Variants in GRIA4 observed in about 807,000 individuals in gnomAD.
GRIA4 encodes glutamate ionotropic receptor AMPA type subunit 4, also known as glutamate receptor 4.
In GRIA4, 34 loss-of-function variants were observed where a neutral mutation model predicts 104.0. The observed-to-expected ratio is 0.33, with a 90% confidence interval of 0.25 to 0.44. GRIA4 has a LOEUF of 0.44. Ranked by LOEUF, GRIA4 falls within the 20% of genes least tolerant of loss-of-function variation. The probability of loss-of-function intolerance (pLI) is 1.00; values close to 1 mark genes in which losing one functional copy is unlikely to be tolerated. For synonymous variants in GRIA4, 386 were observed against 381.9 expected, an observed-to-expected ratio of 1.01 and a Z score of -0.13; for missense variants, 750 against 1,096.5, an observed-to-expected ratio of 0.68 and a Z score of 4.46.
chr11:105,876,036 C>G (rs2136065331), intron 5 of GRIA4, among the ~76,000 whole-genome samples: 1 of 152,234 alleles, frequency 6.6e-6, no homozygotes, highest in South Asian at 2.1e-4. Flanking sequence ...TTACTGCTTT[C>G]TCCTGTGGGC....
intron 4 of GRIA4, among the ~76,000 whole-genome samples, chr11:105,837,061 T>C (rs1236914832): frequency 1.4e-5 from 2 of 144,156 alleles, no homozygotes; most frequent in Non-Finnish European, 3.1e-5. Context: ...AAGAGGCACA[T>C]CTTACATAAT....
chr11:105,617,794 G>A (rs1298501570), intron 3 of GRIA4, among the ~76,000 whole-genome samples: 1 of 152,040 alleles, frequency 6.6e-6, no homozygotes, highest in Non-Finnish European at 1.5e-5. Context: ...AAACTTATAA[G>A]AGTAGTTGCT....
At chr11:105,912,653 A>G in intron 10 of GRIA4, 2 of 774,150 alleles carry the variant, frequency 2.6e-6, no homozygotes, top group Non-Finnish European at 3.1e-6. Flanking sequence ...TTTTTGTATG[A>G]AAATGTAATC....
chr11:105,771,432 G>A (rs1232837328), intron 4 of GRIA4, among the ~76,000 whole-genome samples: 1 of 151,970 alleles, frequency 6.6e-6, no homozygotes, highest in Non-Finnish European at 1.5e-5. Flanking sequence ...TGGGGACAAT[G>A]CTATTTTTGC....
chr11:105,661,022 A>T (rs982436199), intron 3 of GRIA4, among the ~76,000 whole-genome samples: 5 of 151,430 alleles, frequency 3.3e-5, no homozygotes, highest in African/African-American at 9.7e-5. Context: ...CAAATTTCAG[A>T]ATTAGAAAGG....
At chr11:105,806,672 C>CTATA in intron 4 of GRIA4, among the ~76,000 whole-genome samples, 2 of 151,240 alleles carry the variant, frequency 1.3e-5, no homozygotes, top group South Asian at 4.2e-4. Context: ...TGAATGGTAC[C>CTATA]CAGGTCTTCT....
intron 4 of GRIA4, among the ~76,000 whole-genome samples, chr11:105,774,028 T>C (rs1287651775): frequency 1.3e-5 from 2 of 151,802 alleles, no homozygotes; most frequent in Non-Finnish European, 2.9e-5. Flanking sequence ...TTTTTTTGTA[T>C]ATGTTTTATG....
chr11:105,921,175 G>C lies in GRIA4; in HGVS notation c.1476+2257G>C, dbSNP rs147642494. Among the ~76,000 whole-genome samples the C allele has an allele frequency of 1.1e-3, 166 of 152,250 alleles. 1 individual carries two copies. The East Asian group carries it at 0.018, about 17-fold the overall frequency. On this transcript the variant is annotated intron_variant, in intron 11 of 16. Transcript: ENST00000282499. ...ATGTTATCCAACACACCATGTGTGA[G>C]ACCCAGAAGCCCAGAACCTCTCTCA... is the stretch of plus-strand genomic sequence containing the variant.
At chr11:105,861,200 C>G (rs1342704180) in intron 4 of GRIA4, among the ~76,000 whole-genome samples, 1 of 152,036 alleles carries the variant, frequency 6.6e-6, no homozygotes, top group African/African-American at 2.4e-5. Flanking sequence ...AATAAACACC[C>G]CCACCTGCAT....
chr11:105,912,303 C>T, intron 10 of GRIA4: 1 of 973,592 alleles, frequency 1.0e-6, no homozygotes, highest in Non-Finnish European at 1.2e-6. Context: ...CTTTAAAGAT[C>T]TCTTGGAATT....
intron 3 of GRIA4, among the ~76,000 whole-genome samples, chr11:105,711,659 A>G (rs1953916381): frequency 6.6e-6 from 1 of 152,156 alleles, no homozygotes; most frequent in African/African-American, 2.4e-5. Context: ...ATGAAATTAC[A>G]TGAATGGTGA....
At chr11:105,674,380 T>G (rs895022500) in intron 3 of GRIA4, among the ~76,000 whole-genome samples, 1 of 151,638 alleles carries the variant, frequency 6.6e-6, no homozygotes, top group Non-Finnish European at 1.5e-5. Flanking sequence ...ATAGTCAAGT[T>G]TAGACTGCTG....
chr11:105,808,748 T>C (rs1196593160), intron 4 of GRIA4, among the ~76,000 whole-genome samples: 1 of 152,112 alleles, frequency 6.6e-6, no homozygotes, highest in African/African-American at 2.4e-5. Flanking sequence ...ATTCAATCTA[T>C]AAATCCCCTG....
At chr11:105,867,125 C>A (rs1945448388) in intron 5 of GRIA4, among the ~76,000 whole-genome samples, 1 of 151,974 alleles carries the variant, frequency 6.6e-6, no homozygotes, top group Admixed American at 6.6e-5. Flanking sequence ...ACTGACAAAA[C>A]CAGTGACCTT....
chr11:105,878,129 T>G (rs1254635156), intron 5 of GRIA4, among the ~76,000 whole-genome samples: 3 of 152,222 alleles, frequency 2.0e-5, no homozygotes, highest in Admixed American at 2.0e-4. Flanking sequence ...TTGATGCTAT[T>G]CTTTTCTGTT....
At chr11:105,758,919 T>C (rs1462385288) in intron 4 of GRIA4, among the ~76,000 whole-genome samples, 1 of 152,174 alleles carries the variant, frequency 6.6e-6, no homozygotes, top group East Asian at 1.9e-4. Flanking sequence ...TTCAGTTCTA[T>C]AGCACAGATG....
intron 4 of GRIA4, among the ~76,000 whole-genome samples, chr11:105,816,469 T>C (rs1943379964): frequency 6.6e-6 from 1 of 152,118 alleles, no homozygotes; most frequent in South Asian, 2.1e-4. Flanking sequence ...GCTCCTGCTT[T>C]CACCATGTAA....
At chr11:105,959,320 A>G (rs1398911083) in intron 14 of GRIA4, among the ~76,000 whole-genome samples, 1 of 151,538 alleles carries the variant, frequency 6.6e-6, no homozygotes, top group East Asian at 1.9e-4. Flanking sequence ...TTTTTTCTCT[A>G]TTCTTGTCTG....
In GRIA4 at chr11:105,952,109, G is replaced by A. The variant is rs561946845; in HGVS notation, c.2294+18140G>A. Among the ~76,000 whole-genome samples, 140 of 152,312 alleles carry A rather than the reference G, an allele frequency of 9.2e-4. 1 individual carries two copies. In the South Asian group the frequency reaches 0.014, roughly 15 times the overall value. ...CTATTAACATTCTGAGCCACCAGGT[G>A]TCATAGAAATGTTTTTATTTCGCTT... On this transcript the variant is annotated intron_variant, in intron 14 of 16. Coordinates refer to ENST00000282499, the MANE Select transcript of GRIA4 (RefSeq NM_000829.4).
Sources: allele counts gnomAD v4.1 joint callset (sites outside exome capture counted in the v4.1 genomes callset), GRCh38; gene constraint gnomAD v4.1.1; transcripts MANE v1.5; gene names NCBI Gene and HGNC (gene_info 2026-07-23, HGNC 2026-07-21).